The following NIN variants were observed in gnomAD, a reference collection of about 807,000 sequenced individuals.
NIN encodes the protein glycogen synthase kinase 3 beta-interacting protein.
Under a neutral mutation model 257.6 loss-of-function variants are expected in NIN, and 137 were observed. The observed-to-expected ratio is 0.53, with a 90% CI of 0.46 to 0.61. The LOEUF (loss-of-function observed/expected upper bound fraction) is 0.61, where lower values mean the gene tolerates loss of function less well. Among genes scored for constraint, NIN ranks in the 20% least tolerant of loss-of-function variants. The pLI is 0.00. For synonymous variants in NIN, 918 were observed against 919.8 expected (o/e 1.00, Z 0.04); for missense variants, 2,439 against 2,501.2 (o/e 0.98, Z 0.53).
At chr14:50,758,728 C>T in intron 17 of NIN, 98 bp from the exon 18 acceptor site, 1 of 1,092,582 alleles carries the variant, frequency 9.2e-7, no homozygotes, top group Non-Finnish European at 1.3e-6. Context: ...GCTGAGCAAA[C>T]AACTGAAATA....
In NIN at chr14:50,772,956, G is replaced by A; in HGVS notation, c.806C>T (p.Ser269Phe). Residue 269 changes from serine to phenylalanine, a missense_variant, in exon 8 of 31, where the codon TCC becomes TTC. Ser to Phe is a radical substitution (Grantham distance 155). This residue lies in a region of NIN where 387 missense variants were observed against 427.3 expected (regional missense o/e 0.91). Coordinates refer to ENST00000530997, the MANE Select transcript of NIN (RefSeq NM_020921.4). ...CTTCTGCTTATTTTTTACCTGCATG[G>A]AAAGGTGCCTTTTTAGTTGTCTATA... ...TPYRQLKRHL[S>F]MQSFDESGRR... is the part of the protein sequence containing the mutation. 6.2e-7 allele frequency: 1 copy of A among 1,609,210 alleles called. No individual in the cohort carries two copies. Among genetic ancestry groups the A allele is most frequent in the African/African-American group, 1.3e-5 (1 of 74,692 alleles).
chr14:50,778,885 T>C, intron 5 of NIN, 81 bp from the exon 6 acceptor site: 1 of 1,412,938 alleles, frequency 7.1e-7, no homozygotes, highest in East Asian at 2.3e-5. Context: ...AGCAGATCAC[T>C]CTCTGGCTCT....
intron 28 of NIN, among the ~76,000 whole-genome samples, chr14:50,735,180 G>C (rs1275769183): frequency 2.6e-5 from 4 of 152,190 alleles, no homozygotes; most frequent in Non-Finnish European, 5.9e-5. Context: ...ATATAGGAGG[G>C]ATCAGTGAAC....
At chr14:50,751,645 G>C (rs1022860369) in intron 21 of NIN, among the ~76,000 whole-genome samples, 4 of 152,128 alleles carry the variant, frequency 2.6e-5, no homozygotes, top group Non-Finnish European at 5.9e-5. Flanking sequence ...TCCTGCCTCA[G>C]CTTCCTGAGT....
chr14:50,777,681 TAAA>T (rs11433979), intron 6 of NIN, among the ~76,000 whole-genome samples: 1 of 149,320 alleles, frequency 6.7e-6, no homozygotes, highest in Non-Finnish European at 1.5e-5. Flanking sequence ...CAACTGAAAT[TAAA>T]AAAAAAAAAT....
rs142655218 is a variant in NIN at position 50,757,288 on chromosome 14, A to G, written c.3742T>C (p.Tyr1248His). Residue 1248 changes from tyrosine (Y) to histidine (H), a missense_variant, in exon 18 of 31, where the codon TAT (tyrosine) becomes CAT (histidine). Physicochemically the swap from Tyr to His is moderately conservative, Grantham distance 83 (BLOSUM62 2). Transcript: ENST00000530997. ...CTCACATCTTCATACAACAGCTTAT[A>G]TTTGGGAGAAGCCTCAGGGATTCTC... ...LERIPEASPK[Y>H]KLLYEDVSRE... The G allele has an allele frequency of 6.5e-5, 105 of 1,614,112 alleles. No homozygotes were observed. In the African/African-American group the frequency reaches 1.3e-3, roughly 20 times the overall value.
intron 3 of NIN, among the ~76,000 whole-genome samples, chr14:50,808,126 C>T (rs940506004): frequency 5.9e-5 from 9 of 152,196 alleles, no homozygotes; most frequent in African/African-American, 1.9e-4. Flanking sequence ...GAGCAGAAGT[C>T]TGTCAAGGAA....
chr14:50,726,673 A>T (rs2040423225), intron 29 of NIN, among the ~76,000 whole-genome samples: 1 of 152,222 alleles, frequency 6.6e-6, no homozygotes, highest in South Asian at 2.1e-4. Context: ...ATCAGAGCAG[A>T]TTGAAAATGA....
chr14:50,809,644 CACATAGTTCAATTCATTGTTTG>C (rs2044490244), intron 3 of NIN, among the ~76,000 whole-genome samples: 1 of 152,194 alleles, frequency 6.6e-6, no homozygotes, highest in Non-Finnish European at 1.5e-5. Flanking sequence ...ATTTGGTCCT[CACATAGTTCAATTCATTGTTTG>C]AAGGTCACTC....
intron 22 of NIN, 26 bp downstream of exon 22, chr14:50,747,965 AC>A (rs760123634): frequency 1.4e-6 from 2 of 1,461,904 alleles, no homozygotes; most frequent in South Asian, 2.3e-5. Flanking sequence ...TGTTCTGTGA[AC>A]CCCCCTTAGC....
intron 11 of NIN, 65 bp from the exon 12 acceptor site, chr14:50,770,627 A>C (rs774702270): frequency 1.7e-4 from 265 of 1,559,912 alleles, no homozygotes; most frequent in Non-Finnish European, 2.2e-4. Flanking sequence ...TCAATCTACC[A>C]AAAATGGAAA....
chr14:50,728,278 T>G (rs767051920), intron 29 of NIN, among the ~76,000 whole-genome samples: 23 of 152,262 alleles, frequency 1.5e-4, no homozygotes, highest in Admixed American at 4.6e-4. Flanking sequence ...AGTTAAAGCA[T>G]CTAACACTCT....
rs1293437555 is a variant in NIN at position 50,743,315 on chromosome 14, C to G, written c.5301+101G>C. On this transcript the variant is annotated intron_variant, in intron 24 of 30. Coordinates refer to ENST00000530997, the MANE Select transcript of NIN (RefSeq NM_020921.4). ...GTCAAATTGAATCATTTGGAACCCT[C>G]TTACGCTACTTCTACCTGGAACACT... The G allele has an allele frequency of 1.3e-5, 10 of 767,240 alleles. No homozygotes were observed. In the Admixed American group the frequency reaches 2.1e-4, roughly 16 times the overall value. The allele number at this position is 767,240 out of a possible 1,614,324, so 47.5% of individuals were successfully genotyped here.
intron 5 of NIN, among the ~76,000 whole-genome samples, chr14:50,783,917 T>TA (rs1453815545): frequency 1.3e-5 from 2 of 151,744 alleles, no homozygotes; most frequent in African/African-American, 4.9e-5. Context: ...CCATGAGCAC[T>TA]AGAAGGACGA....
chr14:50,775,187 T>C (rs1357576437), intron 7 of NIN, among the ~76,000 whole-genome samples: 1 of 152,174 alleles, frequency 6.6e-6, no homozygotes, highest in Non-Finnish European at 1.5e-5. Context: ...TTTGGAGTTT[T>C]AGAAAAATCT....
intron 5 of NIN, among the ~76,000 whole-genome samples, chr14:50,787,601 C>T (rs553281738): frequency 3.9e-5 from 6 of 152,198 alleles, no homozygotes; most frequent in South Asian, 2.1e-4. Flanking sequence ...TTGACTTGAG[C>T]GAAAATGATC....
chr14:50,750,337 A>G (rs2041734515), intron 21 of NIN, among the ~76,000 whole-genome samples: 1 of 152,200 alleles, frequency 6.6e-6, no homozygotes, highest in African/African-American at 2.4e-5. Context: ...AGAAACCATG[A>G]GTTTATCCAA....
At chr14:50,767,685 C>T (rs183801332) in intron 12 of NIN, among the ~76,000 whole-genome samples, 143 of 151,904 alleles carry the variant, frequency 9.4e-4, no homozygotes, top group Middle Eastern at 3.4e-3. Context: ...GGTGTGGTGG[C>T]GGGCGCCTGT....
intron 2 of NIN, among the ~76,000 whole-genome samples, chr14:50,822,290 T>C (rs2045261195): frequency 6.6e-6 from 1 of 152,154 alleles, no homozygotes; most frequent in Non-Finnish European, 1.5e-5. Flanking sequence ...ATCAGGGGCA[T>C]ATACATAAGC....
Sources: gnomAD v4.1 joint callset for allele counts (sites outside exome capture counted in the v4.1 genomes callset) on GRCh38, gnomAD v4.1.1 for gene constraint, gnomAD v4.1.1 regional missense constraint, MANE v1.5 for transcripts, NCBI Gene and HGNC (gene_info 2026-07-23, HGNC 2026-07-21) for gene names.